The following MLXIP variants were observed in gnomAD, a reference collection of about 807,000 sequenced individuals.
MLXIP encodes the protein MLX interacting protein, also known as MLX-interacting protein.
In MLXIP, 30 loss-of-function variants were observed where a neutral mutation model predicts 87.2. The observed-to-expected ratio is 0.34, with a 90% confidence interval of 0.26 to 0.47. MLXIP has a LOEUF of 0.47. MLXIP is among the 20% of genes least tolerant of loss of function. MLXIP has a pLI of 1.00. For synonymous variants in MLXIP, 530 were observed against 514.0 expected (o/e 1.03, Z -0.42); for missense variants, 1,002 against 1,240.1 (o/e 0.81, Z 2.88).
At chr12:122,083,419 C>CT (rs796702658) in intron 1 of MLXIP, among the ~76,000 whole-genome samples, 95 of 145,202 alleles carry the variant, frequency 6.5e-4, no homozygotes, top group South Asian at 3.9e-3. Flanking sequence ...ACCCTTCATT[C>CT]TTTTTTTTTT....
At chr12:122,084,882 C>G (rs1420314298) in intron 1 of MLXIP, among the ~76,000 whole-genome samples, 1 of 152,036 alleles carries the variant, frequency 6.6e-6, no homozygotes, top group Admixed American at 6.6e-5. Flanking sequence ...ACACAACAAC[C>G]CTGTCAGGTA....
At chr12:122,094,359 C>A (rs1168600338) in intron 1 of MLXIP, among the ~76,000 whole-genome samples, 1 of 94,024 alleles carries the variant, frequency 1.1e-5, no homozygotes, top group Non-Finnish European at 2.0e-5. Context: ...TGTATGTTTG[C>A]GGTGGGTGTA....
chr12:122,120,126 A>G (rs1409715826), intron 1 of MLXIP, among the ~76,000 whole-genome samples: 1 of 152,108 alleles, frequency 6.6e-6, no homozygotes, highest in East Asian at 1.9e-4. Flanking sequence ...TCTGCCTTGA[A>G]AGTAATGAAG....
intron 1 of MLXIP, among the ~76,000 whole-genome samples, chr12:122,108,036 G>A (rs1952547999): frequency 6.6e-6 from 1 of 152,154 alleles, no homozygotes; most frequent in South Asian, 2.1e-4. Context: ...AGCCTGGCCT[G>A]TGATGCTGCT....
intron 1 of MLXIP, among the ~76,000 whole-genome samples, chr12:122,084,809 A>G (rs1952142133): frequency 6.6e-6 from 1 of 152,146 alleles, no homozygotes; most frequent in South Asian, 2.1e-4. Flanking sequence ...CGGCCTCCCA[A>G]AGTGCTGAGG....
Position 122,141,983 on chromosome 12 carries a change from G to T in MLXIP, c.*171G>T, listed in dbSNP as rs1434511781. 4 of 1,003,952 alleles carry T rather than the reference G, an allele frequency of 4.0e-6. No individual in the cohort carries two copies. The African/African-American group carries it at 4.8e-5, about 12-fold the overall frequency. The allele number at this position is 1,003,952 out of a possible 1,614,324, so 62.2% of individuals were successfully genotyped here. On this transcript the variant is annotated 3_prime_UTR_variant, in exon 17 of 17. Transcript: ENST00000319080. ...TGCTCAGGTCTGAAGCAGGTTTGGG[G>T]CCTGCTGACAGCAATAGCCCGCCTT... is the stretch of plus-strand genomic sequence containing the variant.
chr12:122,140,014 C>T (rs1483094669), intron 15 of MLXIP, among the ~76,000 whole-genome samples: 4 of 152,128 alleles, frequency 2.6e-5, no homozygotes, highest in Non-Finnish European at 5.9e-5. Context: ...CAGGCACCAG[C>T]TCTGATTCCT....
rs531282227 is a variant in MLXIP at position 122,080,008 on chromosome 12, T to C, written c.413+742T>C. ...ACATTATATGAGGGAGATGTCATTG[T>C]TGAGGGCAGACATCCCAGACACCGT... On this transcript the variant is annotated intron_variant, in intron 1 of 16. Transcript: ENST00000319080. 5.9e-5 allele frequency among the ~76,000 whole-genome samples: 9 copies of C among 152,324 alleles called. No individual in the cohort carries two copies. The East Asian group carries it at 1.7e-3, about 29-fold the overall frequency.
chr12:122,101,597 T>C, intron 1 of MLXIP, among the ~76,000 whole-genome samples: 1 of 146,962 alleles, frequency 6.8e-6, no homozygotes, highest in Non-Finnish European at 1.5e-5. Context: ...TTTTTTTTTT[T>C]TGAGACGGAG....
At chr12:122,095,917 T>G (rs1952344410) in intron 1 of MLXIP, among the ~76,000 whole-genome samples, 1 of 151,934 alleles carries the variant, frequency 6.6e-6, no homozygotes, top group African/African-American at 2.4e-5. Flanking sequence ...CAGGCTGGAG[T>G]GCAGTGGCGC....
intron 4 of MLXIP, 33 bp downstream of exon 4, chr12:122,129,259 A>G (rs1952932198): frequency 6.4e-7 from 1 of 1,563,534 alleles, no homozygotes; most frequent in Non-Finnish European, 8.7e-7. Flanking sequence ...CAGCCCGCCT[A>G]GGGAGGGAGT....
At chr12:122,104,661 C>T (rs557262787) in intron 1 of MLXIP, among the ~76,000 whole-genome samples, 6 of 147,776 alleles carry the variant, frequency 4.1e-5, no homozygotes, top group Non-Finnish European at 7.4e-5. Context: ...CTCACTGCAA[C>T]GTCTGCCTCC....
chr12:122,092,097 TTTTTC>T (rs952017272), intron 1 of MLXIP, among the ~76,000 whole-genome samples: 22 of 151,844 alleles, frequency 1.4e-4, no homozygotes, highest in African/African-American at 5.1e-4. Context: ...TTTCTTTTCT[TTTTTC>T]TTTTCTTTTC....
chr12:122,115,625 A>G (rs1377614541), intron 1 of MLXIP, among the ~76,000 whole-genome samples: 1 of 150,844 alleles, frequency 6.6e-6, no homozygotes, highest in Non-Finnish European at 1.5e-5. Context: ...AGATGACTAC[A>G]CAAATATGTA....
chr12:122,109,558 C>T (rs937628578), intron 1 of MLXIP, among the ~76,000 whole-genome samples: 3 of 152,214 alleles, frequency 2.0e-5, no homozygotes, highest in South Asian at 2.1e-4. Flanking sequence ...TCCGTTCATA[C>T]GTCTCAGGAG....
intron 1 of MLXIP, among the ~76,000 whole-genome samples, chr12:122,110,688 A>T (rs1952591639): frequency 6.6e-6 from 1 of 151,786 alleles, no homozygotes; most frequent in Non-Finnish European, 1.5e-5. Context: ...GGAGGATCAC[A>T]TGAACCCAGT....
chr12:122,099,265 C>T (rs1952400578), intron 1 of MLXIP, among the ~76,000 whole-genome samples: 1 of 152,056 alleles, frequency 6.6e-6, no homozygotes, highest in South Asian at 2.1e-4. Flanking sequence ...CAAACCAAAA[C>T]AAAACCCCAA....
In MLXIP at chr12:122,078,801, C is replaced by A. The variant is rs1370470393; in HGVS notation, c.-53C>A. The A allele has an allele frequency of 4.9e-5, 51 of 1,032,162 alleles. No homozygotes were observed. In the African/African-American group the frequency reaches 8.0e-4, roughly 16 times the overall value. 63.9% of individuals were successfully genotyped at this position (1,032,162 alleles called of 1,614,324 possible). A position where few individuals can be genotyped will look rare whatever the true frequency, so the allele number is the denominator to read the frequency against. ...CGGGCCGGCGCCCCTCTGCCTCGCG[C>A]GCTTGTCGCGTTGCCCCGGGCTCCG... On this transcript the variant is annotated 5_prime_UTR_variant, in exon 1 of 17. Coordinates refer to ENST00000319080, the MANE Select transcript of MLXIP (RefSeq NM_014938.6).
intron 7 of MLXIP, among the ~76,000 whole-genome samples, chr12:122,131,912 CTTTTTTTTTTTTT>C (rs60691591): frequency 5.4e-5 from 4 of 73,942 alleles, no homozygotes; most frequent in East Asian, 4.2e-4. Flanking sequence ...TGGTTGGCAC[CTTTTTTTTTTTTT>C]TTTTTTTTTT....
Sources: allele counts gnomAD v4.1 joint callset (sites outside exome capture counted in the v4.1 genomes callset), GRCh38; gene constraint gnomAD v4.1.1; transcripts MANE v1.5; gene names NCBI Gene and HGNC (gene_info 2026-07-23, HGNC 2026-07-21).